Variants in DISP1 observed in about 807,000 individuals in gnomAD.
DISP1 encodes dispatched RND transporter family member 1.
In DISP1, 30 loss-of-function variants were observed where a neutral mutation model predicts 37.3. The ratio of observed to expected loss-of-function variants is 0.80; its 90% CI spans 0.60 to 1.09. DISP1 has a LOEUF of 1.09. DISP1 is among the 50% of genes least tolerant of loss of function. DISP1 has a pLI of 0.00. For synonymous variants in DISP1, 634 were observed against 690.2 expected (o/e 0.92, Z 1.28); for missense variants, 1,598 against 1,879.5 (o/e 0.85, Z 2.77).
At chr1:222,882,644 C>T (rs1670343833) in intron 1 of DISP1, among the ~76,000 whole-genome samples, 1 of 151,912 alleles carries the variant, frequency 6.6e-6, no homozygotes, top group Non-Finnish European at 1.5e-5. Context: ...TTAAATTTTC[C>T]TTTATTATAT....
chr1:222,936,764 A>AAAATTATATATCATATATGATATATAT (rs1553331580), intron 2 of DISP1, among the ~76,000 whole-genome samples: 3 of 50,838 alleles, frequency 5.9e-5, no homozygotes, highest in Non-Finnish European at 1.0e-4. Context: ...ATGATATATA[A>AAAATTATATATCATATATGATATATAT]AAATTATATA....
intron 1 of DISP1, among the ~76,000 whole-genome samples, chr1:222,838,126 CTTAAG>C: frequency 6.6e-6 from 1 of 152,132 alleles, no homozygotes; most frequent in Middle Eastern, 3.4e-3. Context: ...CTTTTTTATA[CTTAAG>C]TTTTTTCCTT....
chr1:222,915,209 T>A (rs1672428955), intron 1 of DISP1, among the ~76,000 whole-genome samples: 1 of 152,174 alleles, frequency 6.6e-6, no homozygotes, highest in Admixed American at 6.5e-5. Context: ...AAATAAATGG[T>A]ACATTTTAGC....
chr1:222,842,140 T>C (rs1305263921), intron 1 of DISP1, among the ~76,000 whole-genome samples: 1 of 152,086 alleles, frequency 6.6e-6, no homozygotes, highest in Admixed American at 6.6e-5. Flanking sequence ...TGTTTGATAG[T>C]TTACAAATCA....
At chr1:222,936,858 T>TA (rs1553331768) in intron 2 of DISP1, among the ~76,000 whole-genome samples, 2 of 64,422 alleles carry the variant, frequency 3.1e-5, no homozygotes, top group African/African-American at 1.3e-4. Flanking sequence ...ATATGATATA[T>TA]AATTTATATA....
intron 1 of DISP1, among the ~76,000 whole-genome samples, chr1:222,860,015 CT>C (rs1323865234): frequency 1.3e-5 from 2 of 152,044 alleles, no homozygotes; most frequent in South Asian, 2.1e-4. Flanking sequence ...CAGAAGGAAA[CT>C]TTTTTTTCAA....
Position 223,005,664 on chromosome 1 carries a change from A to C in DISP1, c.4267A>C (p.Ser1423Arg), listed in dbSNP as rs1572756464. 6.2e-7 allele frequency: 1 copy of C among 1,614,062 alleles called. No homozygotes were observed. The highest frequency in any genetic ancestry group is 2.2e-5 in the East Asian group (1 of 44,864). Residue 1423 changes from serine (S) to arginine (R), a missense_variant, in exon 9 of 9, where the codon AGC becomes CGC. By Grantham distance (110) the Ser-to-Arg change is moderately radical. Transcript: ENST00000675850. ...QRELCKNRDV[S>R]NLESSGGTEN... ...GGAACTCTGTAAAAATAGAGACGTG[A>C]GCAATCTGGAGAGCAGTGGAGGGAC...
chr1:222,891,330 C>G (rs1670928820), intron 1 of DISP1, among the ~76,000 whole-genome samples: 1 of 152,158 alleles, frequency 6.6e-6, no homozygotes, highest in East Asian at 1.9e-4. Flanking sequence ...TAATTTCCTA[C>G]CTATAGCTGT....
chr1:222,933,619 T>C (rs1292255212), intron 2 of DISP1, among the ~76,000 whole-genome samples: 1 of 151,970 alleles, frequency 6.6e-6, no homozygotes, highest in Non-Finnish European at 1.5e-5. Flanking sequence ...TTTCAACTTA[T>C]TATAGTTTAT....
At chr1:222,992,166 G>T in intron 7 of DISP1, 56 bp downstream of exon 7, 3 of 1,347,934 alleles carry the variant, frequency 2.2e-6, no homozygotes, top group South Asian at 2.4e-5. Flanking sequence ...ATTTAAAATT[G>T]AACATGATCA....
At chr1:222,920,716 T>G (rs1285200251) in intron 1 of DISP1, among the ~76,000 whole-genome samples, 2 of 152,150 alleles carry the variant, frequency 1.3e-5, no homozygotes, top group African/African-American at 2.4e-5. Flanking sequence ...TTAGTCAGAC[T>G]TTTTTCTTCA....
intron 3 of DISP1, among the ~76,000 whole-genome samples, chr1:222,977,342 CTTTT>C (rs397982983): frequency 8.8e-6 from 1 of 113,914 alleles, no homozygotes; most frequent in Non-Finnish European, 1.7e-5. Context: ...TCAGCATATT[CTTTT>C]TTTTTTTTTT....
At position 222,925,775 on chromosome 1, in the gene DISP1, C is replaced by T. The variant is rs564731959; in HGVS notation, c.-158-2655C>T. Among the ~76,000 whole-genome samples, 8 of 152,272 alleles carry T rather than the reference C, an allele frequency of 5.3e-5. No homozygotes were observed. In the South Asian group the frequency reaches 1.7e-3, roughly 32 times the overall value. ...TAGAAAAGCAAATTCTCAAGCCCTA[C>T]CCCAGACCTTCAGAATCAGAATTCT... On this transcript the variant is annotated intron_variant, in intron 1 of 8. Transcript: ENST00000675850.
intron 1 of DISP1, among the ~76,000 whole-genome samples, chr1:222,838,621 G>T (rs1667398797): frequency 6.6e-6 from 1 of 152,048 alleles, no homozygotes; most frequent in Non-Finnish European, 1.5e-5. Flanking sequence ...AAAAAAATTA[G>T]CTGGGCATGG....
At chr1:222,841,620 A>G (rs1420792672) in intron 1 of DISP1, among the ~76,000 whole-genome samples, 2 of 152,192 alleles carry the variant, frequency 1.3e-5, no homozygotes, top group Admixed American at 6.5e-5. Context: ...TTTGTTATTT[A>G]TAGTAAATTT....
Position 223,002,588 on chromosome 1 carries a change from C to G in DISP1, c.1191C>G (p.Asp397Glu), listed in dbSNP as rs1220549927. The G allele has an allele frequency of 6.2e-7, 1 of 1,614,200 alleles. No homozygotes were observed. The highest frequency in any genetic ancestry group is 1.1e-5 in the South Asian group (1 of 91,076). ...KHYQNGTLGPDCWDMAARRKD... is the reference protein window; with the variant it reads ...KHYQNGTLGPECWDMAARRKD... ...ACCAAAATGGCACTCTGGGGCCAGACTGCTGGGACATGGCAGCCAGAAGAA... is the reference window on the plus strand; with the variant it reads ...ACCAAAATGGCACTCTGGGGCCAGAGTGCTGGGACATGGCAGCCAGAAGAA... Residue 397 changes from aspartate (D) to glutamate (E), a missense_variant, in exon 9 of 9, where the codon GAC becomes GAG. By Grantham distance (45) the Asp-to-Glu change is conservative. Coordinates refer to ENST00000675850, the MANE Select transcript of DISP1 (RefSeq NM_001377229.1).
At chr1:222,957,483 G>A (rs886131770) in intron 3 of DISP1, among the ~76,000 whole-genome samples, 1 of 152,088 alleles carries the variant, frequency 6.6e-6, no homozygotes, top group African/African-American at 2.4e-5. Context: ...CAGCTACTCG[G>A]GAAGCTGAGG....
At chr1:222,873,134 AG>A (rs1175381194) in intron 1 of DISP1, among the ~76,000 whole-genome samples, 1 of 152,168 alleles carries the variant, frequency 6.6e-6, no homozygotes, top group Non-Finnish European at 1.5e-5. Flanking sequence ...CTGTGGTCTG[AG>A]AGACAGTTTG....
In DISP1 at chr1:222,832,443, G is replaced by C. The variant is rs115031076; in HGVS notation, c.-159+17365G>C. ...ATTTTTATAAGAACTTTCATTTTTGGTTACTGGTCCTAAGAGAGAACTATT... is the reference window on the plus strand; with the variant it reads ...ATTTTTATAAGAACTTTCATTTTTGCTTACTGGTCCTAAGAGAGAACTATT... On this transcript the variant is annotated intron_variant, in intron 1 of 8. Transcript: ENST00000675850. Among the ~76,000 whole-genome samples, 1,421 of 152,072 alleles carry C rather than the reference G, an allele frequency of 9.3e-3. 16 individuals are homozygous for C. The highest frequency in any genetic ancestry group is 0.033 in the African/African-American group (1,363 of 41,468).
Sources: gnomAD v4.1 joint callset for allele counts (sites outside exome capture counted in the v4.1 genomes callset) on GRCh38, gnomAD v4.1.1 for gene constraint, MANE v1.5 for transcripts, NCBI Gene and HGNC (gene_info 2026-07-23, HGNC 2026-07-21) for gene names.